The following RYR3 variants were observed in gnomAD, a reference collection of about 807,000 sequenced individuals.
RYR3 encodes brain ryanodine receptor-calcium release channel.
A neutral mutation model predicts 584.3 loss-of-function variants in RYR3; 207 were observed. The ratio of observed to expected loss-of-function variants is 0.35; its 90% CI spans 0.32 to 0.40. RYR3 has a LOEUF of 0.40. Among genes scored for constraint, RYR3 ranks in the 10% least tolerant of loss-of-function variants. The probability of loss-of-function intolerance (pLI) is 1.00; values close to 1 mark genes in which losing one functional copy is unlikely to be tolerated. For synonymous variants in RYR3, 2,416 were observed against 2,248.5 expected (o/e 1.07, Z -2.11); for missense variants, 5,616 against 6,089.2 (o/e 0.92, Z 2.59).
intron 77 of RYR3, among the ~76,000 whole-genome samples, chr15:33,820,453 A>G (rs553241574): frequency 2.0e-5 from 3 of 152,312 alleles, no homozygotes; most frequent in South Asian, 4.1e-4. Flanking sequence ...TCTCCCATTT[A>G]CACCAGAACC....
Position 33,670,537 on chromosome 15 carries a change from G to A in RYR3, c.5841G>A (p.Glu1947=), listed in dbSNP as rs1167856645. 6.3e-7 allele frequency: 1 copy of A among 1,587,488 alleles called. No individual in the cohort carries two copies. Among genetic ancestry groups the A allele is most frequent in the African/African-American group, 1.4e-5 (1 of 73,298 alleles). The change falls in exon 38 of 104, where the codon GAG becomes GAA. Residue 1947 remains glutamate, a synonymous_variant. Transcript: ENST00000634891. ...AGCCAGAGAAGGAGCAGCCGACGGA[G>A]GAGGAGGAGAGATGCCCCAGTAAGT... ...PPKPEKEQPT[E]EEERCPTTLK...
At chr15:33,658,895 G>A (rs2062979933) in intron 32 of RYR3, among the ~76,000 whole-genome samples, 1 of 152,196 alleles carries the variant, frequency 6.6e-6, no homozygotes, top group Non-Finnish European at 1.5e-5. Context: ...TGCAAAGGGG[G>A]TGGAGAGGAT....
chr15:33,545,105 A>G (rs1420777294), intron 8 of RYR3, among the ~76,000 whole-genome samples: 1 of 152,142 alleles, frequency 6.6e-6, no homozygotes, highest in Non-Finnish European at 1.5e-5. Context: ...CTAAGATGGA[A>G]TACATCAGGG....
chr15:33,522,322 T>C (rs1022392223), intron 3 of RYR3, among the ~76,000 whole-genome samples: 2 of 152,112 alleles, frequency 1.3e-5, no homozygotes, highest in Non-Finnish European at 2.9e-5. Context: ...AAGATGCCCA[T>C]GAAAGATGCC....
intron 5 of RYR3, among the ~76,000 whole-genome samples, chr15:33,533,698 A>G (rs1403390422): frequency 6.6e-6 from 1 of 152,232 alleles, no homozygotes; most frequent in Non-Finnish European, 1.5e-5. Context: ...CAATGATACT[A>G]AATGACTGCC....
In RYR3 at chr15:33,836,996, G is replaced by C; in HGVS notation, c.11650+9G>C. On this transcript the variant is annotated intron_variant, in intron 88 of 103. Coordinates refer to ENST00000634891, the MANE Select transcript of RYR3 (RefSeq NM_001036.6). Reference sequence around the variant, plus strand: ...TCTGTCCCTCCTGGAAGGTTGGGCTGTTTGGTATAACTAGGCCTTCACACA... The same window carrying C: ...TCTGTCCCTCCTGGAAGGTTGGGCTCTTTGGTATAACTAGGCCTTCACACA... 1 of 1,609,280 alleles carries C rather than the reference G, an allele frequency of 6.2e-7. No individual in the cohort carries two copies. The highest frequency in any genetic ancestry group is 8.5e-7 in the Non-Finnish European group (1 of 1,176,612).
chr15:33,660,337 CGAGCGTGT>C lies in RYR3; in HGVS notation c.4542_4549del (p.Val1515AlafsTer33). 6.3e-7 allele frequency: 1 copy of C among 1,592,100 alleles called. No individual in the cohort carries two copies. Among genetic ancestry groups the C allele is most frequent in the Non-Finnish European group, 8.5e-7 (1 of 1,169,726 alleles). On this transcript the variant is annotated frameshift_variant, in exon 34 of 104. Coordinates refer to ENST00000634891, the MANE Select transcript of RYR3 (RefSeq NM_001036.6). LOFTEE classifies it high-confidence loss of function. ...CCAACAGCTTCCTGAAGGTGGAGAC[CGAGCGTGT>C]GAGCGAGCGCCACGGCTGGGTGGTG...
intron 38 of RYR3, among the ~76,000 whole-genome samples, chr15:33,679,697 C>CAGT (rs1249132607): frequency 3.3e-5 from 5 of 152,152 alleles, no homozygotes; most frequent in Non-Finnish European, 4.4e-5. Context: ...ATTCCCTGAC[C>CAGT]AGTACTCTTG....
intron 5 of RYR3, among the ~76,000 whole-genome samples, chr15:33,537,741 A>G (rs2055450710): frequency 6.6e-6 from 1 of 152,210 alleles, no homozygotes; most frequent in African/African-American, 2.4e-5. Context: ...TCTCACTGGA[A>G]TGCACCTTAG....
At chr15:33,668,424 A>C (rs2063618611) in intron 36 of RYR3, among the ~76,000 whole-genome samples, 1 of 152,224 alleles carries the variant, frequency 6.6e-6, no homozygotes, top group African/African-American at 2.4e-5. Flanking sequence ...TTAAAAATCT[A>C]GAGGTGTCCA....
intron 67 of RYR3, 119 bp downstream of exon 67, chr15:33,788,577 C>A: frequency 9.0e-7 from 1 of 1,115,920 alleles, no homozygotes; most frequent in South Asian, 1.6e-5. Flanking sequence ...CGATAGCCGC[C>A]CCCACCATTC....
At chr15:33,825,702 C>T in intron 82 of RYR3, 26 bp downstream of exon 82, 1 of 1,106,692 alleles carries the variant, frequency 9.0e-7, no homozygotes, top group Non-Finnish European at 1.3e-6. Flanking sequence ...ATGTGAAGGC[C>T]ATTCTCTTCC....
At chr15:33,630,966 G>A (rs1444130223) in intron 22 of RYR3, among the ~76,000 whole-genome samples, 1 of 152,148 alleles carries the variant, frequency 6.6e-6, no homozygotes, top group African/African-American at 2.4e-5. Flanking sequence ...ACAGAGTCAA[G>A]CTCATTGGTT....
In RYR3 at chr15:33,311,143, C is replaced by G; in HGVS notation, c.51+47C>G. On this transcript the variant is annotated intron_variant, in intron 1 of 103. Coordinates refer to ENST00000634891, the MANE Select transcript of RYR3 (RefSeq NM_001036.6). The surrounding 1 kb of genome is among the most constrained non-coding windows in gnomAD (Gnocchi z 4.4). The stretch of plus-strand genomic sequence containing the variant: ...GAGGCCGTGGGCAGGTGGGGAGGAG[C>G]GCGGAGCGCGGCGAGGAGGGGCTGG... 6.9e-7 allele frequency: 1 copy of G among 1,454,884 alleles called. No individual in the cohort carries two copies. Among genetic ancestry groups the G allele is most frequent in the African/African-American group, 1.5e-5 (1 of 68,738 alleles). The allele number at this position is 1,454,884 out of a possible 1,614,324, so 90.1% of individuals were successfully genotyped here. A position where few individuals can be genotyped will look rare whatever the true frequency, so the allele number is the denominator to read the frequency against.
intron 21 of RYR3, among the ~76,000 whole-genome samples, 152 bp downstream of exon 21, chr15:33,628,727 C>T (rs950131718): frequency 6.6e-6 from 1 of 152,154 alleles, no homozygotes; most frequent in East Asian, 1.9e-4. Flanking sequence ...AAGTGTCTCC[C>T]CTTTCTTAAT....
chr15:33,756,570 A>G (rs1441838529), intron 59 of RYR3, among the ~76,000 whole-genome samples, 197 bp downstream of exon 59: 1 of 152,078 alleles, frequency 6.6e-6, no homozygotes. Context: ...GCCCCACACC[A>G]TCACCTGGGA....
At chr15:33,603,808 G>A (rs192601193) in intron 18 of RYR3, among the ~76,000 whole-genome samples, 24 of 152,304 alleles carry the variant, frequency 1.6e-4, no homozygotes, top group African/African-American at 5.8e-4. Context: ...GTCACACTAG[G>A]AAGGATCCAG....
chr15:33,406,466 T>A (rs2043024992), intron 1 of RYR3, among the ~76,000 whole-genome samples: 1 of 152,234 alleles, frequency 6.6e-6, no homozygotes, highest in Non-Finnish European at 1.5e-5. Context: ...AGTGAAAGTA[T>A]TGACCCATGA....
intron 103 of RYR3, 49 bp from the exon 104 acceptor site, chr15:33,865,073 TGGGTTTTAG>T: frequency 7.2e-7 from 1 of 1,379,784 alleles, no homozygotes; most frequent in East Asian, 2.3e-5. Flanking sequence ...AAAAACAAAC[TGGGTTTTAG>T]CTTTTACTGT....
Sources: allele counts gnomAD v4.1 joint callset (sites outside exome capture counted in the v4.1 genomes callset), GRCh38; gene constraint gnomAD v4.1.1; non-coding constraint Gnocchi (gnomAD v3.1); transcripts MANE v1.5; gene names NCBI Gene and HGNC (gene_info 2026-07-23, HGNC 2026-07-21).